The following POSTN variants were observed in gnomAD, a reference collection of about 807,000 sequenced individuals.
The protein encoded by POSTN is osteoblast specific factor 2 (fasciclin I-like).
A neutral mutation model predicts 104.5 loss-of-function variants in POSTN; 71 were observed. The observed-to-expected ratio is 0.68, with a 90% confidence interval of 0.56 to 0.83. The LOEUF (loss-of-function observed/expected upper bound fraction) is 0.83, where lower values mean the gene tolerates loss of function less well. Ranked by LOEUF, POSTN falls within the 40% of genes least tolerant of loss-of-function variation. The pLI is 0.00. For missense variants in POSTN, 949 were observed against 1,006.8 expected (o/e 0.94, Z 0.78); for synonymous variants, 355 against 340.7 (o/e 1.04, Z -0.46).
chr13:37,567,235 C>CAAA lies in POSTN; in HGVS notation c.2431+2062_2431+2064dup, dbSNP rs71093694. 2.4e-4 allele frequency among the ~76,000 whole-genome samples: 9 copies of CAAA among 36,928 alleles called. 2 individuals are homozygous for CAAA. In the East Asian group the frequency reaches 9.6e-3, roughly 39 times the overall value. The allele number at this position is 36,928 out of a possible 152,430, so 24.2% of individuals were successfully genotyped here. ...TGGGCGACAGAGCGAGACTCCGTCTCAAAAAAAAAAAAAAAAAATGTACTA... is the reference window on the plus strand; with the variant it reads ...TGGGCGACAGAGCGAGACTCCGTCTCAAAAAAAAAAAAAAAAAAAAATGTACTA... On this transcript the variant is annotated intron_variant, in intron 21 of 22. Coordinates refer to ENST00000379747, the MANE Select transcript of POSTN (RefSeq NM_006475.3).
intron 11 of POSTN, 82 bp downstream of exon 11, chr13:37,580,479 A>G: frequency 6.9e-7 from 1 of 1,451,452 alleles, no homozygotes; most frequent in East Asian, 2.3e-5. Context: ...TAGGAGACTG[A>G]ATGCCTTTTG....
rs758714986 is a variant in POSTN, at chr13:37,577,791, C to T, written c.1970G>A (p.Arg657His). 1.2e-4 allele frequency: 187 copies of T among 1,612,650 alleles called. 1 individual carries two copies. Among genetic ancestry groups the T allele is most frequent in the Admixed American group, 3.3e-4 (20 of 59,964 alleles). ...LIKYIQIKFV[R>H]GSTFKEIPVT... ...GGGGATTTCTTTGAAGGTGCTACCA[C>T]GAACAAACTGAAAATAAATGTTTAT... The change falls in exon 16 of 23, where the codon CGT becomes CAT. Residue 657 changes from arginine to histidine, a missense_variant. By Grantham distance (29) the Arg-to-His change is conservative. Coordinates refer to ENST00000379747, the MANE Select transcript of POSTN (RefSeq NM_006475.3).
intron 8 of POSTN, 48 bp from the exon 9 acceptor site, chr13:37,584,151 T>C: frequency 6.2e-7 from 1 of 1,604,440 alleles, no homozygotes; most frequent in Non-Finnish European, 8.5e-7. Context: ...ATTGCTATTA[T>C]CTCCATCATG....
At chr13:37,565,947 A>G (rs1196119480) in intron 21 of POSTN, among the ~76,000 whole-genome samples, 1 of 152,202 alleles carries the variant, frequency 6.6e-6, no homozygotes, top group Non-Finnish European at 1.5e-5. Context: ...AATTCCAAAT[A>G]GCAGTTAATT....
intron 2 of POSTN, among the ~76,000 whole-genome samples, chr13:37,594,531 A>C (rs1259985922): frequency 6.6e-6 from 1 of 152,156 alleles, no homozygotes; most frequent in Non-Finnish European, 1.5e-5. Context: ...AGAGTAAAAA[A>C]AATATTGCTA....
At position 37,597,182 on chromosome 13, in the gene POSTN, A is replaced by G; in HGVS notation, c.218+2T>C. ...ATATTATGAAAAAAAAAAGAGACTT[A>G]CGTTTTCTGTCCACAGATGGACTTT... On this transcript the variant is annotated splice_donor_variant, in intron 2 of 22. Transcript: ENST00000379747. LOFTEE classifies it high-confidence loss of function. The G allele has an allele frequency of 6.5e-7, 1 of 1,534,110 alleles. No homozygotes were observed. The highest frequency in any genetic ancestry group is 8.7e-7 in the Non-Finnish European group (1 of 1,143,760).
chr13:37,584,627 A>AT, intron 8 of POSTN, 89 bp downstream of exon 8: 1 of 1,121,204 alleles, frequency 8.9e-7, no homozygotes, highest in Non-Finnish European at 1.3e-6. Flanking sequence ...CTGCACATTC[A>AT]TTTTTCATGG....
At chr13:37,588,211 C>A (rs1223633169) in intron 4 of POSTN, among the ~76,000 whole-genome samples, 1 of 151,822 alleles carries the variant, frequency 6.6e-6, no homozygotes, top group Non-Finnish European at 1.5e-5. Flanking sequence ...ACTTAGAACA[C>A]AATTTTTAAA....
intron 21 of POSTN, among the ~76,000 whole-genome samples, chr13:37,566,959 G>A (rs534200038): frequency 5.9e-5 from 9 of 151,970 alleles, no homozygotes; most frequent in South Asian, 4.2e-4. Flanking sequence ...CTACATGGCC[G>A]GGCGCGGTGG....
intron 18 of POSTN, chr13:37,571,095 A>G: frequency 2.9e-6 from 1 of 349,652 alleles, no homozygotes; most frequent in Non-Finnish European, 5.2e-6. Flanking sequence ...TTACAATTTT[A>G]TTCCACAATC....
In POSTN at chr13:37,563,065, A is replaced by C. The variant is rs746380010; in HGVS notation, c.*268T>G. 4.5e-5 allele frequency: 12 copies of C among 264,966 alleles called. No individual in the cohort carries two copies. The South Asian group carries it at 1.4e-3, about 32-fold the overall frequency. 16.4% of individuals were successfully genotyped at this position (264,966 alleles called of 1,614,324 possible). A position where few individuals can be genotyped will look rare whatever the true frequency, so the allele number is the denominator to read the frequency against. ...AGGATTTTTCTCTAATGGATTCCAA[A>C]GTTAGCCAGAACTTTTAATGTCAAG... On this transcript the variant is annotated 3_prime_UTR_variant, in exon 23 of 23. Transcript: ENST00000379747.
chr13:37,564,815 G>A (rs534714924), intron 21 of POSTN: 61 of 311,950 alleles, frequency 2.0e-4, no homozygotes, highest in Non-Finnish European at 3.4e-4. Context: ...ATGGATTTTG[G>A]AACCCCACCT....
At chr13:37,582,198 T>C (rs1011486945) in intron 10 of POSTN, among the ~76,000 whole-genome samples, 168 bp downstream of exon 10, 4 of 152,222 alleles carry the variant, frequency 2.6e-5, no homozygotes, top group African/African-American at 9.6e-5. Context: ...ATAGCACTTG[T>C]TGTGGACTTT....
At chr13:37,569,520 T>C in intron 20 of POSTN, 137 bp from the exon 21 acceptor site, 1 of 834,566 alleles carries the variant, frequency 1.2e-6, no homozygotes, top group Non-Finnish European at 2.0e-6. Context: ...ATTTTAGTGC[T>C]GTTTTCTGAC....
intron 16 of POSTN, among the ~76,000 whole-genome samples, chr13:37,576,171 A>C (rs1950404168): frequency 6.6e-6 from 1 of 152,068 alleles, no homozygotes; most frequent in Admixed American, 6.6e-5. Flanking sequence ...CTTCCCCTCA[A>C]CTATACACTT....
chr13:37,598,477 T>G lies in POSTN; in HGVS notation c.119+131A>C, dbSNP rs1266999863. 3 of 775,462 alleles carry G rather than the reference T, an allele frequency of 3.9e-6. No homozygotes were observed. The East Asian group carries it at 8.3e-5, about 21-fold the overall frequency. The allele number at this position is 775,462 out of a possible 1,614,324, so 48.0% of individuals were successfully genotyped here. On this transcript the variant is annotated intron_variant, in intron 1 of 22. Coordinates refer to ENST00000379747, the MANE Select transcript of POSTN (RefSeq NM_006475.3). The stretch of plus-strand genomic sequence containing the variant: ...ATCACAGAATACTCACATTTTCCTT[T>G]TTTTCCTATTACTTTATAATAATTA...
At position 37,563,060 on chromosome 13, in the gene POSTN, T is replaced by C. The variant is rs1448458941; in HGVS notation, c.*273A>G. On this transcript the variant is annotated 3_prime_UTR_variant, in exon 23 of 23. Transcript: ENST00000379747. ...TGACAAGGATTTTTCTCTAATGGAT[T>C]CCAAAGTTAGCCAGAACTTTTAATG... 3.9e-6 allele frequency: 1 copy of C among 257,598 alleles called. No individual in the cohort carries two copies. The highest frequency in any genetic ancestry group is 1.3e-4 in the South Asian group (1 of 7,572). The allele number at this position is 257,598 out of a possible 1,614,324, so 16.0% of individuals were successfully genotyped here. A position where few individuals can be genotyped will look rare whatever the true frequency, so the allele number is the denominator to read the frequency against.
chr13:37,577,431 T>C (rs1950442076), intron 16 of POSTN, among the ~76,000 whole-genome samples: 1 of 152,190 alleles, frequency 6.6e-6, no homozygotes, highest in African/African-American at 2.4e-5. Flanking sequence ...CATCTGAATT[T>C]TTAGATATTT....
chr13:37,590,113 T>C (rs866849711), intron 4 of POSTN, among the ~76,000 whole-genome samples: 1 of 152,022 alleles, frequency 6.6e-6, no homozygotes, highest in East Asian at 1.9e-4. Flanking sequence ...AGGAGTAAAA[T>C]AGAATAGTAA....
Sources: allele counts gnomAD v4.1 joint callset (sites outside exome capture counted in the v4.1 genomes callset), GRCh38; gene constraint gnomAD v4.1.1; transcripts MANE v1.5; gene names NCBI Gene and HGNC (gene_info 2026-07-23, HGNC 2026-07-21).